The following CDH4 variants were observed in gnomAD, a reference collection of about 807,000 sequenced individuals.
CDH4 encodes the protein cadherin-4.
Under a neutral mutation model 86.0 loss-of-function variants are expected in CDH4, and 33 were observed. The observed-to-expected ratio is 0.38, with a 90% CI of 0.29 to 0.51. The LOEUF is 0.51. Ranked by LOEUF, CDH4 falls within the 20% of genes least tolerant of loss-of-function variation. CDH4 has a pLI of 0.86. For synonymous variants in CDH4, 555 were observed against 549.4 expected (o/e 1.01, Z -0.14); for missense variants, 1,114 against 1,307.4 (o/e 0.85, Z 2.28).
intron 2 of CDH4, among the ~76,000 whole-genome samples, chr20:61,401,014 T>C (rs1367921063): frequency 6.6e-6 from 1 of 152,218 alleles, no homozygotes; most frequent in Non-Finnish European, 1.5e-5. Flanking sequence ...TCCACCCATT[T>C]CACACCTGGC....
chr20:61,422,748 T>C (rs1461736078), intron 2 of CDH4, among the ~76,000 whole-genome samples: 1 of 152,140 alleles, frequency 6.6e-6, no homozygotes, highest in Non-Finnish European at 1.5e-5. Context: ...TGAGAGTTCC[T>C]GTTCTTGGCC....
At chr20:61,895,941 C>T (rs1159099408) in intron 8 of CDH4, among the ~76,000 whole-genome samples, 1 of 152,216 alleles carries the variant, frequency 6.6e-6, no homozygotes, top group Admixed American at 6.5e-5. Context: ...AGGCACCAGG[C>T]TGGGACGTGC....
rs866389417 is a variant in CDH4 at position 61,499,355 on chromosome 20, T to C, written c.170-244208T>C. The C allele has an allele frequency of 2.0e-5, 17 of 866,396 alleles. No homozygotes were observed. The African/African-American group carries it at 2.8e-4, about 14-fold the overall frequency. The allele number at this position is 866,396 out of a possible 1,614,324, so 53.7% of individuals were successfully genotyped here. A position where few individuals can be genotyped will look rare whatever the true frequency, so the allele number is the denominator to read the frequency against. ...GCCTCAGTTTCGCCACCTAGAAGGA[T>C]AGCAGTGCCTCTTGCTCTGCCCTGT... On this transcript the variant is annotated intron_variant, in intron 2 of 15. Transcript: ENST00000614565.
chr20:61,521,362 T>A (rs957746005), intron 2 of CDH4, among the ~76,000 whole-genome samples: 1 of 151,736 alleles, frequency 6.6e-6, no homozygotes, highest in Admixed American at 6.6e-5. Flanking sequence ...ACTTGGGGAG[T>A]ATATTTTAAG....
At chr20:61,742,261 C>T (rs2088350342) in intron 2 of CDH4, among the ~76,000 whole-genome samples, 1 of 152,278 alleles carries the variant, frequency 6.6e-6, no homozygotes, top group Admixed American at 6.5e-5. Flanking sequence ...AGTTTCATTG[C>T]TCTGTTGAAC....
intron 2 of CDH4, among the ~76,000 whole-genome samples, chr20:61,646,671 C>G (rs2087064805): frequency 6.6e-6 from 1 of 152,238 alleles, no homozygotes; most frequent in African/African-American, 2.4e-5. Flanking sequence ...GCTACAGACA[C>G]AGATCAGGCC....
intron 2 of CDH4, among the ~76,000 whole-genome samples, chr20:61,642,471 A>C (rs1006269416): frequency 1.3e-5 from 2 of 152,218 alleles, no homozygotes; most frequent in East Asian, 3.9e-4. Context: ...ATCAAAGATG[A>C]GAACAGAGAG....
In CDH4 at chr20:61,301,076, G is replaced by A. The variant is rs547591336; in HGVS notation, c.169+46139G>A. On this transcript the variant is annotated intron_variant, in intron 2 of 15. Coordinates refer to ENST00000614565, the MANE Select transcript of CDH4 (RefSeq NM_001794.5). ...TACCTCGCAGTGTGCCCGGGGCTGC[G>A]CCCAACTCCCCATTTGCAGTGTCTC... Among the ~76,000 whole-genome samples, 474 of 152,334 alleles carry A rather than the reference G, an allele frequency of 3.1e-3. 2 individuals carry two copies. Among genetic ancestry groups the A allele is most frequent in the South Asian group, 6.6e-3 (32 of 4,828 alleles).
intron 2 of CDH4, among the ~76,000 whole-genome samples, chr20:61,362,116 T>G (rs1270453682): frequency 6.6e-6 from 1 of 152,178 alleles, no homozygotes; most frequent in African/African-American, 2.4e-5. Context: ...TAGGAGACAT[T>G]TGGGCTGAGA....
chr20:61,610,238 T>C (rs1295548320), intron 2 of CDH4, among the ~76,000 whole-genome samples: 2 of 152,230 alleles, frequency 1.3e-5, no homozygotes, highest in African/African-American at 4.8e-5. Flanking sequence ...CACCTGGGAC[T>C]GAGAACGTGT....
At chr20:61,876,788 A>G (rs894674649) in intron 7 of CDH4, among the ~76,000 whole-genome samples, 40 of 152,154 alleles carry the variant, frequency 2.6e-4, no homozygotes, top group Admixed American at 1.3e-4. Context: ...ACGAATGTCT[A>G]TAGATAAAGG....
chr20:61,383,116 AAT>A (rs1266853681), intron 2 of CDH4, among the ~76,000 whole-genome samples: 1 of 83,642 alleles, frequency 1.2e-5, no homozygotes, highest in East Asian at 2.7e-4. Flanking sequence ...TTATATATAG[AAT>A]ATATATGAAT....
chr20:61,651,900 G>C (rs768332047), intron 2 of CDH4, among the ~76,000 whole-genome samples: 6 of 152,220 alleles, frequency 3.9e-5, no homozygotes, highest in Non-Finnish European at 7.3e-5. Flanking sequence ...CAGGGCCCCA[G>C]CTCTGGGGTG....
At chr20:61,635,684 T>C (rs2086939326) in intron 2 of CDH4, among the ~76,000 whole-genome samples, 1 of 152,154 alleles carries the variant, frequency 6.6e-6, no homozygotes, top group African/African-American at 2.4e-5. Context: ...TTGGGAATTC[T>C]GGGGGTTGGA....
chr20:61,553,913 A>G (rs997563379), intron 2 of CDH4, among the ~76,000 whole-genome samples: 6 of 152,174 alleles, frequency 3.9e-5, no homozygotes. Context: ...CTTCAAGGTG[A>G]GCCTCAGATG....
Position 61,393,433 on chromosome 20 carries a change from A to G in CDH4, c.169+138496A>G, listed in dbSNP as rs2084997968. Among the ~76,000 whole-genome samples, 1 of 152,162 alleles carries G rather than the reference A, an allele frequency of 6.6e-6. No individual in the cohort carries two copies. Among genetic ancestry groups the G allele is most frequent in the African/African-American group, 2.4e-5 (1 of 41,418 alleles). On this transcript the variant is annotated intron_variant, in intron 2 of 15. Coordinates refer to ENST00000614565, the MANE Select transcript of CDH4 (RefSeq NM_001794.5). This position sits in a 1 kb window ranked among gnomAD's most constrained non-coding sequence, Gnocchi z 4.3. ...ATGTCGAGGACCCCCAGGGATTGGCAAAATTAAACCTGGATGCTTTGATCG... is the reference window on the plus strand; with the variant it reads ...ATGTCGAGGACCCCCAGGGATTGGCGAAATTAAACCTGGATGCTTTGATCG...
At chr20:61,618,374 C>T (rs1407233565) in intron 2 of CDH4, among the ~76,000 whole-genome samples, 7 of 152,078 alleles carry the variant, frequency 4.6e-5, no homozygotes, top group Non-Finnish European at 2.9e-5. Context: ...AGATGGGGTC[C>T]GTTCAGCTGG....
chr20:61,292,967 TTGAGTC>T (rs1395524956), intron 2 of CDH4, among the ~76,000 whole-genome samples: 1 of 152,062 alleles, frequency 6.6e-6, no homozygotes, highest in Non-Finnish European at 1.5e-5. Context: ...CAGCAGGCCT[TTGAGTC>T]TGTGTGCTGC....
chr20:61,615,493 C>T (rs1286596881), intron 2 of CDH4, among the ~76,000 whole-genome samples: 1 of 152,184 alleles, frequency 6.6e-6, no homozygotes, highest in Non-Finnish European at 1.5e-5. Context: ...TCAGAGTGCC[C>T]ACGTGCAGCT....
Sources: allele counts gnomAD v4.1 joint callset (sites outside exome capture counted in the v4.1 genomes callset), GRCh38; gene constraint gnomAD v4.1.1; non-coding constraint Gnocchi (gnomAD v3.1); transcripts MANE v1.5; gene names NCBI Gene and HGNC (gene_info 2026-07-23, HGNC 2026-07-21).